PLAT: variants seen among roughly 807,000 people sequenced by gnomAD.
PLAT encodes the protein tissue-type plasminogen activator.
Under a neutral mutation model 74.9 loss-of-function variants are expected in PLAT, and 48 were observed. The ratio of observed to expected loss-of-function variants is 0.64; its 90% CI spans 0.51 to 0.82. PLAT has a LOEUF of 0.82. Among genes scored for constraint, PLAT ranks in the 40% least tolerant of loss-of-function variants. The probability of loss-of-function intolerance (pLI) is 0.00; values close to 1 mark genes in which losing one functional copy is unlikely to be tolerated. For missense variants in PLAT, 673 were observed against 736.2 expected (o/e 0.91, Z 0.99); for synonymous variants, 307 against 294.4 (o/e 1.04, Z -0.44).
chr8:42,180,786 T>G, intron 9 of PLAT, 101 bp from the exon 10 acceptor site: 1 of 780,594 alleles, frequency 1.3e-6, no homozygotes, highest in Non-Finnish European at 2.0e-6. Flanking sequence ...ACCACAACTT[T>G]CACTTGGTGG....
intron 2 of PLAT, 27 bp from the exon 3 acceptor site, chr8:42,191,441 G>C: frequency 6.2e-7 from 1 of 1,611,974 alleles, no homozygotes; most frequent in Non-Finnish European, 8.5e-7. Flanking sequence ...GGTGGAGGAA[G>C]GATCAGCACA....
In PLAT at chr8:42,174,941, A is replaced by AT. The variant is rs1431741453; in HGVS notation, c.*1051dup. Among the ~76,000 whole-genome samples the AT allele has an allele frequency of 6.6e-6, 1 of 151,032 alleles. No individual in the cohort carries two copies. Among genetic ancestry groups the AT allele is most frequent in the Non-Finnish European group, 1.5e-5 (1 of 67,492 alleles). ...CCAGTTATTTTTTCCTTAAGATTCTATTTTTTCCTTAAGATTCCCCAATCC... is the reference window on the plus strand; with the variant it reads ...CCAGTTATTTTTTCCTTAAGATTCTATTTTTTTCCTTAAGATTCCCCAATCC... On this transcript the variant is annotated 3_prime_UTR_variant, in exon 14 of 14. Transcript: ENST00000220809.
intron 6 of PLAT, chr8:42,185,436 G>T: frequency 3.9e-6 from 1 of 255,718 alleles, no homozygotes; most frequent in East Asian, 8.3e-5. Context: ...GCTAATTTTT[G>T]TATTTTTAGT....
At chr8:42,196,895 G>T (rs1262719501) in intron 1 of PLAT, among the ~76,000 whole-genome samples, 1 of 151,946 alleles carries the variant, frequency 6.6e-6, no homozygotes. Flanking sequence ...GGCACAGAAG[G>T]ATAGAAAAGG....
At chr8:42,187,108 CTAT>C (rs2129742879) in intron 6 of PLAT, 1 of 301,534 alleles carries the variant, frequency 3.3e-6, no homozygotes, top group East Asian at 5.4e-5. Flanking sequence ...ATCTATCAAT[CTAT>C]CATCTATCTA....
intron 4 of PLAT, 185 bp from the exon 5 acceptor site, chr8:42,188,201 A>T: frequency 1.9e-6 from 1 of 525,624 alleles, no homozygotes; most frequent in Non-Finnish European, 3.4e-6. Flanking sequence ...AAAAATCCAT[A>T]CATAAGTGGA....
chr8:42,178,264 C>CTTTTTTTTTTTTTTTTTTTTT (rs5891180), intron 13 of PLAT, among the ~76,000 whole-genome samples: 1 of 110,072 alleles, frequency 9.1e-6, no homozygotes, highest in Non-Finnish European at 1.8e-5. Flanking sequence ...ACATTTCTTT[C>CTTTTTTTTTTTTTTTTTTTTT]TTTTTTTTTT....
chr8:42,202,775 T>C (rs8178686), intron 1 of PLAT, among the ~76,000 whole-genome samples: 8,047 of 151,952 alleles, frequency 0.053, 633 homozygotes, highest in African/African-American at 0.18. Context: ...TGGAGTGGAA[T>C]GTGGAGGAGG....
chr8:42,179,946 C>G lies in PLAT; in HGVS notation c.1343G>C (p.Gly448Ala). 1.2e-6 allele frequency: 2 copies of G among 1,602,942 alleles called. No homozygotes were observed. The highest frequency in any genetic ancestry group is 1.7e-6 in the Non-Finnish European group (2 of 1,173,402). The stretch of plus-strand genomic sequence containing the variant: ...CTTACAGGCCTCATGCTTGCCGTAG[C>G]CGGAGAGCTCACACTCCGTCCAGTC... ...LPDWTECELSGYGKHEALSPF... is the reference protein window; with the variant it reads ...LPDWTECELSAYGKHEALSPF... Residue 448 changes from glycine (G) to alanine (A), a missense_variant, in exon 12 of 14, where the codon GGC becomes GCC. Gly to Ala is a moderately conservative substitution (Grantham distance 60). Transcript: ENST00000220809.
Position 42,179,018 on chromosome 8 carries a change from A to G in PLAT, c.1409T>C (p.Leu470Pro), listed in dbSNP as rs116109429. Residue 470 changes from leucine to proline, a missense_variant, in exon 13 of 14, where the codon CTG (leucine) becomes CCG (proline). By Grantham distance (98) the Leu-to-Pro change is moderately conservative (BLOSUM62 -3). Transcript: ENST00000220809. ...TGATGTGCAGCGGCTGGATGGGTAC[A>G]GTCTGACATGAGCCTCCTTCAGCCG... Reference protein sequence around the residue: ...SERLKEAHVRLYPSSRCTSQH... With the variant: ...SERLKEAHVRPYPSSRCTSQH... 6.2e-7 allele frequency: 1 copy of G among 1,613,436 alleles called. No individual in the cohort carries two copies. The highest frequency in any genetic ancestry group is 2.2e-5 in the East Asian group (1 of 44,876).
intron 3 of PLAT, 28 bp from the exon 4 acceptor site, chr8:42,189,099 C>G: frequency 6.2e-7 from 1 of 1,603,062 alleles, no homozygotes; most frequent in Non-Finnish European, 8.5e-7. Context: ...CCAGCCTCAT[C>G]AGAGTATGAC....
intron 7 of PLAT, among the ~76,000 whole-genome samples, chr8:42,184,106 A>G (rs1805356965): frequency 6.6e-6 from 1 of 151,272 alleles, no homozygotes; most frequent in African/African-American, 2.4e-5. Context: ...ACACCTGACT[A>G]ATTTTTGTAT....
At position 42,193,191 on chromosome 8, in the gene PLAT, C is replaced by T. The variant is rs1400979128; in HGVS notation, c.-6G>A. ...CCTCTCTTCATTGCATCCATGATTGCTTCACAGCGTCCCTTAAATTCTGGA... is the reference window on the plus strand; with the variant it reads ...CCTCTCTTCATTGCATCCATGATTGTTTCACAGCGTCCCTTAAATTCTGGA... On this transcript the variant is annotated 5_prime_UTR_variant, in exon 2 of 14. Transcript: ENST00000220809. The T allele has an allele frequency of 1.2e-6, 2 of 1,611,746 alleles. No homozygotes were observed. Among genetic ancestry groups the T allele is most frequent in the Non-Finnish European group, 1.7e-6 (2 of 1,178,006 alleles).
At position 42,175,949 on chromosome 8, in the gene PLAT, A is replaced by G. The variant is rs754371162; in HGVS notation, c.*44T>C. 6.9e-6 allele frequency: 11 copies of G among 1,602,766 alleles called. No individual in the cohort carries two copies. The East Asian group carries it at 2.0e-4, about 29-fold the overall frequency. ...CCTTTGCAGTGTCTTCTGAAGAAGA[A>G]GAGGCGGGATCTCATTTGCTTTTGA... On this transcript the variant is annotated 3_prime_UTR_variant, in exon 14 of 14. Transcript: ENST00000220809.
At chr8:42,201,707 T>C (rs181320829) in intron 1 of PLAT, among the ~76,000 whole-genome samples, 6 of 152,320 alleles carry the variant, frequency 3.9e-5, no homozygotes, top group Admixed American at 1.3e-4. Context: ...TCCCACACCA[T>C]GCATGCAGAG....
intron 1 of PLAT, among the ~76,000 whole-genome samples, chr8:42,197,733 C>T (rs1348005070): frequency 6.6e-5 from 10 of 152,238 alleles, no homozygotes; most frequent in East Asian, 5.8e-4. Context: ...CTGCCTCTAC[C>T]GGCCCCATCT....
intron 1 of PLAT, among the ~76,000 whole-genome samples, chr8:42,194,241 A>AGAGAGTGTGT (rs1419569830): frequency 3.8e-5 from 2 of 52,542 alleles, no homozygotes; most frequent in East Asian, 7.9e-4. Flanking sequence ...AGAGAGAGAG[A>AGAGAGTGTGT]GTGTGTGTGT....
intron 3 of PLAT, among the ~76,000 whole-genome samples, chr8:42,190,712 T>C (rs1190310888): frequency 6.6e-6 from 1 of 152,170 alleles, no homozygotes; most frequent in Non-Finnish European, 1.5e-5. Context: ...AACTGGGTCG[T>C]GAAGGAGGGA....
At chr8:42,188,055 C>A in intron 4 of PLAT, 39 bp from the exon 5 acceptor site, 1 of 1,238,350 alleles carries the variant, frequency 8.1e-7, no homozygotes. Context: ...ATGACAGCCT[C>A]CTTCTGTGTG....
Sources: allele counts gnomAD v4.1 joint callset (sites outside exome capture counted in the v4.1 genomes callset), GRCh38; gene constraint gnomAD v4.1.1; transcripts MANE v1.5; gene names NCBI Gene and HGNC (gene_info 2026-07-23, HGNC 2026-07-21).